OSBPL1A: variants seen among roughly 807,000 people sequenced by gnomAD.
OSBPL1A encodes oxysterol-binding protein-related protein 1.
In OSBPL1A, 80 loss-of-function variants were observed where a neutral mutation model predicts 137.1. The observed-to-expected ratio is 0.58, with a 90% CI of 0.49 to 0.70. The LOEUF (loss-of-function observed/expected upper bound fraction) is 0.70. Ranked by LOEUF, OSBPL1A falls within the 30% of genes least tolerant of loss-of-function variation. The pLI, the probability that OSBPL1A is intolerant of heterozygous loss-of-function variation, is 0.00. For missense variants in OSBPL1A, 970 were observed against 1,129.4 expected (o/e 0.86, Z 2.02); for synonymous variants, 365 against 389.7 (o/e 0.94, Z 0.75).
intron 18 of OSBPL1A, among the ~76,000 whole-genome samples, chr18:24,194,105 G>A (rs995828137): frequency 6.6e-6 from 1 of 152,218 alleles, no homozygotes; most frequent in Admixed American, 6.5e-5. Flanking sequence ...AAACAGGAGA[G>A]AGCAGGAGAA....
chr18:24,208,490 G>A (rs2087437065), intron 17 of OSBPL1A, among the ~76,000 whole-genome samples: 2 of 152,096 alleles, frequency 1.3e-5, no homozygotes, highest in Non-Finnish European at 2.9e-5. Context: ...CTTTGTCCTG[G>A]TTGGGGCATA....
intron 7 of OSBPL1A, among the ~76,000 whole-genome samples, chr18:24,325,552 C>T (rs559893093): frequency 1.3e-5 from 2 of 152,218 alleles, no homozygotes; most frequent in East Asian, 3.8e-4. Flanking sequence ...CTTTGCATCC[C>T]TTCTAAGATA....
chr18:24,293,104 C>CAAAAAAAAAAAAAAAAAAAAAAAAAA (rs1172730345), intron 14 of OSBPL1A, among the ~76,000 whole-genome samples: 2 of 66,384 alleles, frequency 3.0e-5, no homozygotes, highest in Non-Finnish European at 5.4e-5. Flanking sequence ...ACTCCCGTCT[C>CAAAAAAAAAAAAAAAAAAAAAAAAAA]AAAAAAAAAA....
At chr18:24,374,511 C>A (rs534563953) in intron 2 of OSBPL1A, among the ~76,000 whole-genome samples, 7 of 152,266 alleles carry the variant, frequency 4.6e-5, no homozygotes, top group South Asian at 4.1e-4. Flanking sequence ...AAAGACCCCC[C>A]CTAGATCGCC....
At chr18:24,273,961 C>T (rs1012352899) in intron 15 of OSBPL1A, among the ~76,000 whole-genome samples, 2 of 152,052 alleles carry the variant, frequency 1.3e-5, no homozygotes, top group African/African-American at 4.8e-5. Context: ...GAACCGGGCA[C>T]GGTGGCTCAC....
chr18:24,182,212 G>A (rs1242468188), intron 18 of OSBPL1A, among the ~76,000 whole-genome samples: 1 of 152,174 alleles, frequency 6.6e-6, no homozygotes, highest in Admixed American at 6.5e-5. Context: ...CTGCCAGAAT[G>A]CCTCCATCAC....
intron 1 of OSBPL1A, among the ~76,000 whole-genome samples, chr18:24,384,946 T>TA: frequency 6.8e-6 from 1 of 146,386 alleles, no homozygotes; most frequent in South Asian, 2.2e-4. Context: ...AGAAAGCAGT[T>TA]ATAGGTTAGA....
In OSBPL1A at chr18:24,175,104, G is replaced by GTGTATATATATATATATA. The variant is rs1491534405; in HGVS notation, c.2094-2622_2094-2621insTATATATATATATATACA. ...GACTTCATGTGCTTATTTGCCATGT[G>GTGTATATATATATATATA]TATGTATATATATATATATATATAT... On this transcript the variant is annotated intron_variant, in intron 21 of 27. Coordinates refer to ENST00000319481, the MANE Select transcript of OSBPL1A (RefSeq NM_080597.4). Among the ~76,000 whole-genome samples the GTGTATATATATATATATA allele has an allele frequency of 3.3e-3, 140 of 42,688 alleles. 1 individual carries two copies. Among genetic ancestry groups the GTGTATATATATATATATA allele is most frequent in the South Asian group, 7.5e-3 (8 of 1,070 alleles). 28.0% of individuals were successfully genotyped at this position (42,688 alleles called of 152,430 possible).
At chr18:24,317,299 T>C (rs764992701) in intron 10 of OSBPL1A, 28 bp downstream of exon 10, 1 of 1,609,020 alleles carries the variant, frequency 6.2e-7, no homozygotes, top group Non-Finnish European at 8.5e-7. Flanking sequence ...CAGTGAAATT[T>C]GATAAGTGTA....
rs372527436 is a variant in OSBPL1A at position 24,333,051 on chromosome 18, C to T, written c.516G>A (p.Ser172=). The T allele has an allele frequency of 1.5e-5, 24 of 1,613,740 alleles. No individual in the cohort carries two copies. The East Asian group carries it at 3.6e-4, about 24-fold the overall frequency. Residue 172 remains serine, a synonymous_variant, in exon 7 of 28, where the codon TCG becomes TCA. Coordinates refer to ENST00000319481, the MANE Select transcript of OSBPL1A (RefSeq NM_080597.4). ...NRPNPPDVNC[S]DQLGNTPLHC... ...GCAAGGGTGTATTTCCTAACTGATC[C>T]GAACAGTTAACATCAGGAGGATTGG... is the stretch of plus-strand genomic sequence containing the variant.
chr18:24,349,432 C>T (rs36059234), intron 4 of OSBPL1A, among the ~76,000 whole-genome samples: 23,893 of 152,056 alleles, frequency 0.16, 2,715 homozygotes, highest in East Asian at 0.5. Context: ...AATGAACATC[C>T]GGTCAAAAAG....
Position 24,224,230 on chromosome 18 carries a change from C to T in OSBPL1A, c.1601+812G>A, listed in dbSNP as rs546129344. 1.7e-3 allele frequency among the ~76,000 whole-genome samples: 255 copies of T among 151,940 alleles called. 1 individual carries two copies. The highest frequency in any genetic ancestry group is 5.8e-3 in the African/African-American group (242 of 41,414). The stretch of plus-strand genomic sequence containing the variant: ...TTTTTTTCTAGAACAGTAGTCAAAA[C>T]CATTGTGGCCAGAATCATAGTACAG... On this transcript the variant is annotated intron_variant, in intron 17 of 27. Coordinates refer to ENST00000319481, the MANE Select transcript of OSBPL1A (RefSeq NM_080597.4).
intron 14 of OSBPL1A, among the ~76,000 whole-genome samples, chr18:24,300,679 A>G (rs2090382892): frequency 6.6e-6 from 1 of 152,188 alleles, no homozygotes; most frequent in Admixed American, 6.6e-5. Flanking sequence ...AGTTAATGCA[A>G]TTTTGTACTA....
chr18:24,346,455 T>C (rs1193125300), intron 4 of OSBPL1A, among the ~76,000 whole-genome samples: 1 of 152,204 alleles, frequency 6.6e-6, no homozygotes, highest in Admixed American at 6.5e-5. Flanking sequence ...CCATATCTGT[T>C]AACAATCACT....
intron 17 of OSBPL1A, among the ~76,000 whole-genome samples, chr18:24,219,788 T>C (rs528925054): frequency 9.7e-4 from 147 of 152,306 alleles, no homozygotes; most frequent in African/African-American, 3.5e-3. Context: ...CTCACAGTTT[T>C]CCCAGAGTAA....
chr18:24,261,700 G>T (rs1212963538), intron 15 of OSBPL1A, among the ~76,000 whole-genome samples: 1 of 152,018 alleles, frequency 6.6e-6, no homozygotes, highest in African/African-American at 2.4e-5. Context: ...GGGTGTGGTG[G>T]TGCATGCCTG....
At position 24,163,136 on chromosome 18, in the gene OSBPL1A, G is replaced by C; in HGVS notation, c.*43C>G. The C allele has an allele frequency of 7.0e-7, 1 of 1,424,030 alleles. No homozygotes were observed. The highest frequency in any genetic ancestry group is 9.8e-7 in the Non-Finnish European group (1 of 1,022,732). The allele number at this position is 1,424,030 out of a possible 1,614,324, so 88.2% of individuals were successfully genotyped here. On this transcript the variant is annotated 3_prime_UTR_variant, in exon 28 of 28. Coordinates refer to ENST00000319481, the MANE Select transcript of OSBPL1A (RefSeq NM_080597.4). ...AAAAAATTTAAAAACATAGGTTTAA[G>C]ACTTATTTGTAGATTAGCCAAACAC...
intron 4 of OSBPL1A, among the ~76,000 whole-genome samples, chr18:24,365,312 C>T (rs187095513): frequency 1.9e-4 from 29 of 152,180 alleles, no homozygotes; most frequent in African/African-American, 7.0e-4. Context: ...AGGCCGAGTG[C>T]GGTGGCTCAC....
chr18:24,168,152 G>A (rs1244061515), intron 24 of OSBPL1A, among the ~76,000 whole-genome samples: 1 of 152,144 alleles, frequency 6.6e-6, no homozygotes, highest in African/African-American at 2.4e-5. Context: ...CCAGGCTGAA[G>A]TACAGTGGTG....
Sources: allele counts gnomAD v4.1 joint callset (sites outside exome capture counted in the v4.1 genomes callset), GRCh38; gene constraint gnomAD v4.1.1; transcripts MANE v1.5; gene names NCBI Gene and HGNC (gene_info 2026-07-23, HGNC 2026-07-21).